The following CADM2 variants were observed in gnomAD, a reference collection of about 807,000 sequenced individuals.
CADM2 encodes cell adhesion molecule 2, also known as immunoglobulin superfamily member 4D.
A neutral mutation model predicts 49.8 loss-of-function variants in CADM2; 12 were observed. That is an observed-to-expected ratio of 0.24 (90% CI 0.15 to 0.39). The LOEUF is 0.39. Among genes scored for constraint, CADM2 ranks in the 10% least tolerant of loss-of-function variants. The probability of loss-of-function intolerance (pLI) is 1.00; values close to 1 mark genes in which losing one functional copy is unlikely to be tolerated. For missense variants in CADM2, 378 were observed against 492.3 expected (o/e 0.77, Z 2.20); for synonymous variants, 214 against 175.4 (o/e 1.22, Z -1.74).
chr3:85,477,979 A>C (rs1467957219), intron 1 of CADM2, among the ~76,000 whole-genome samples: 1 of 152,092 alleles, frequency 6.6e-6, no homozygotes, highest in Non-Finnish European at 1.5e-5. Context: ...TTGAAATAAG[A>C]GTTTTTAAAA....
chr3:85,562,832 CCA>C (rs1254446392), intron 1 of CADM2, among the ~76,000 whole-genome samples: 1 of 152,090 alleles, frequency 6.6e-6, no homozygotes, highest in African/African-American at 2.4e-5. Flanking sequence ...TGTAAATATG[CCA>C]CAGTCTCCGT....
chr3:85,129,664 A>T (rs2039160602), intron 1 of CADM2, among the ~76,000 whole-genome samples: 1 of 152,174 alleles, frequency 6.6e-6, no homozygotes, highest in Non-Finnish European at 1.5e-5. Context: ...TGGTGCTAGG[A>T]TATTCTCCCA....
At chr3:85,601,316 A>T (rs2107397175) in intron 1 of CADM2, among the ~76,000 whole-genome samples, 1 of 150,578 alleles carries the variant, frequency 6.6e-6, no homozygotes, top group South Asian at 2.1e-4. Flanking sequence ...ATTGTATATC[A>T]ATTTATTTTC....
Position 85,911,546 on chromosome 3 carries a change from T to C in CADM2, c.530-827T>C, listed in dbSNP as rs553916790. 4.6e-5 allele frequency among the ~76,000 whole-genome samples: 7 copies of C among 152,246 alleles called. No individual in the cohort carries two copies. The East Asian group carries it at 9.6e-4, about 21-fold the overall frequency. ...AGTATTCAAAATATTCAGATGGCTG[T>C]GCTCCTTTTCTTTCCAAAGATGACA... is the stretch of plus-strand genomic sequence containing the variant. On this transcript the variant is annotated intron_variant, in intron 5 of 9. Coordinates refer to ENST00000383699, the MANE Select transcript of CADM2 (RefSeq NM_001167675.2).
intron 1 of CADM2, among the ~76,000 whole-genome samples, chr3:85,616,260 A>C (rs746430611): frequency 1.4e-4 from 21 of 152,018 alleles, no homozygotes; most frequent in Non-Finnish European, 2.9e-4. Context: ...CAACATAGTC[A>C]CATTCTTAAT....
chr3:84,975,996 A>G (rs2031793298), intron 1 of CADM2, among the ~76,000 whole-genome samples: 1 of 151,860 alleles, frequency 6.6e-6, no homozygotes, highest in South Asian at 2.1e-4. Flanking sequence ...CTATTGAATG[A>G]AAGTTTTCCT....
At chr3:85,972,976 G>A (rs553496718) in intron 8 of CADM2, among the ~76,000 whole-genome samples, 27 of 151,732 alleles carry the variant, frequency 1.8e-4, no homozygotes, top group African/African-American at 5.3e-4. Flanking sequence ...GAAAACCTGC[G>A]TTTAGAATAT....
At chr3:85,557,535 T>C (rs1355729080) in intron 1 of CADM2, among the ~76,000 whole-genome samples, 1 of 151,696 alleles carries the variant, frequency 6.6e-6, no homozygotes, top group Admixed American at 6.6e-5. Context: ...AAGTAAAATT[T>C]ATTTAATAAT....
chr3:85,127,869 A>G (rs541050672), intron 1 of CADM2, among the ~76,000 whole-genome samples: 72 of 152,274 alleles, frequency 4.7e-4, no homozygotes, highest in African/African-American at 1.7e-3. Flanking sequence ...ATTTCCAATA[A>G]ATGTGATCAA....
At chr3:85,353,826 A>G (rs1197175598) in intron 1 of CADM2, among the ~76,000 whole-genome samples, 3 of 152,012 alleles carry the variant, frequency 2.0e-5, no homozygotes, top group African/African-American at 7.2e-5. Flanking sequence ...TTGCTTTATA[A>G]TGAAAATTTG....
In CADM2 at chr3:85,274,278, G is replaced by A. The variant is rs369799577; in HGVS notation, c.61+314610G>A. Among the ~76,000 whole-genome samples the A allele has an allele frequency of 1.8e-3, 269 of 151,284 alleles. 1 individual carries two copies. The highest frequency in any genetic ancestry group is 6.3e-3 in the African/African-American group (259 of 41,394). On this transcript the variant is annotated intron_variant, in intron 1 of 9. Coordinates refer to ENST00000383699, the MANE Select transcript of CADM2 (RefSeq NM_001167675.2). ...AGGTGAGTTCAGGAGACGCATATAA[G>A]AAACGACAGCATGTCTAAAGCTGTA... is the stretch of plus-strand genomic sequence containing the variant.
intron 1 of CADM2, among the ~76,000 whole-genome samples, chr3:85,442,273 A>T (rs1434227875): frequency 3.3e-5 from 5 of 151,752 alleles, no homozygotes; most frequent in Non-Finnish European, 7.4e-5. Flanking sequence ...TTTCTTCTCC[A>T]GTTGTTCTTG....
intron 1 of CADM2, among the ~76,000 whole-genome samples, chr3:85,143,265 T>A: frequency 6.6e-6 from 1 of 152,196 alleles, no homozygotes; most frequent in South Asian, 2.1e-4. Flanking sequence ...GAAGGATTGC[T>A]TGAGCCCAGG....
At chr3:85,138,438 G>A (rs2039482917) in intron 1 of CADM2, among the ~76,000 whole-genome samples, 1 of 152,102 alleles carries the variant, frequency 6.6e-6, no homozygotes, top group Non-Finnish European at 1.5e-5. Flanking sequence ...TTCAAAACCA[G>A]TTGGGCATTC....
chr3:85,086,798 C>T (rs1369119090), intron 1 of CADM2, among the ~76,000 whole-genome samples: 6 of 152,042 alleles, frequency 3.9e-5, no homozygotes, highest in Admixed American at 1.3e-4. Context: ...TGTGAGCCAC[C>T]GCATCCATCC....
intron 2 of CADM2, among the ~76,000 whole-genome samples, chr3:85,799,367 T>G (rs570577768): frequency 5.3e-5 from 8 of 152,330 alleles, no homozygotes; most frequent in African/African-American, 1.2e-4. Flanking sequence ...AAGGGAATGC[T>G]TCCAGCTTTT....
intron 1 of CADM2, among the ~76,000 whole-genome samples, chr3:85,428,947 G>A (rs2036546334): frequency 6.6e-6 from 1 of 151,834 alleles, no homozygotes; most frequent in African/African-American, 2.4e-5. Flanking sequence ...GCCACTAATA[G>A]TAGTCAAATT....
chr3:85,135,985 C>T (rs1302432352), intron 1 of CADM2, among the ~76,000 whole-genome samples: 1 of 151,940 alleles, frequency 6.6e-6, no homozygotes, highest in Non-Finnish European at 1.5e-5. Flanking sequence ...CTACAAATCT[C>T]GCTTGAATAT....
At chr3:85,582,363 G>C (rs376118575) in intron 1 of CADM2, among the ~76,000 whole-genome samples, 1 of 152,260 alleles carries the variant, frequency 6.6e-6, no homozygotes, top group South Asian at 2.1e-4. Context: ...TCCAAAAATT[G>C]TTCTAGCAGA....
Sources: allele counts gnomAD v4.1 joint callset (sites outside exome capture counted in the v4.1 genomes callset), GRCh38; gene constraint gnomAD v4.1.1; transcripts MANE v1.5; gene names NCBI Gene and HGNC (gene_info 2026-07-23, HGNC 2026-07-21).